The following MYO18B variants were observed in gnomAD, a reference collection of about 807,000 sequenced individuals.
The protein encoded by MYO18B is myosin XVIIIB.
Under a neutral mutation model 273.0 loss-of-function variants are expected in MYO18B, and 204 were observed. The ratio of observed to expected loss-of-function variants is 0.75; its 90% CI spans 0.67 to 0.84. MYO18B has a LOEUF of 0.84. Ranked by LOEUF, MYO18B falls within the 40% of genes least tolerant of loss-of-function variation. The pLI is 0.00. For synonymous variants in MYO18B, 1,330 were observed against 1,305.7 expected (o/e 1.02, Z -0.40); for missense variants, 3,212 against 3,287.6 (o/e 0.98, Z 0.56).
chr22:25,789,539 G>A (rs1196313332), intron 11 of MYO18B, among the ~76,000 whole-genome samples: 1 of 151,972 alleles, frequency 6.6e-6, no homozygotes, highest in Admixed American at 6.6e-5. Context: ...GGGAGGCTGA[G>A]GCAGGAGAAT....
At chr22:25,853,464 TGG>T (rs937889953) in intron 21 of MYO18B, among the ~76,000 whole-genome samples, 3 of 152,198 alleles carry the variant, frequency 2.0e-5, no homozygotes, top group Admixed American at 6.5e-5. Context: ...GTCCCTTCTC[TGG>T]GTAGTGGCCC....
chr22:25,986,626 A>G (rs1162680647), intron 39 of MYO18B, among the ~76,000 whole-genome samples: 1 of 152,218 alleles, frequency 6.6e-6, no homozygotes, highest in Non-Finnish European at 1.5e-5. Context: ...TTTGTTAAAC[A>G]TTTAAGGATA....
intron 1 of MYO18B, among the ~76,000 whole-genome samples, chr22:25,743,487 G>GAAA (rs1337500114): frequency 6.6e-6 from 1 of 152,034 alleles, no homozygotes; most frequent in East Asian, 1.9e-4. Flanking sequence ...AGAGGAGGAG[G>GAAA]AGAAGGAGAA....
At chr22:25,921,123 A>G in intron 33 of MYO18B, 134 bp from the exon 34 acceptor site, 1 of 839,190 alleles carries the variant, frequency 1.2e-6, no homozygotes, top group Non-Finnish European at 1.8e-6. Context: ...CTCGGAGAGG[A>G]GAATGGTCTT....
chr22:25,994,485 A>T (rs1933019265), intron 40 of MYO18B, among the ~76,000 whole-genome samples: 1 of 152,000 alleles, frequency 6.6e-6, no homozygotes, highest in African/African-American at 2.4e-5. Context: ...AAAATAAATT[A>T]AAAAATAAAA....
intron 12 of MYO18B, among the ~76,000 whole-genome samples, chr22:25,814,154 C>T (rs531621406): frequency 1.8e-4 from 27 of 152,198 alleles, no homozygotes; most frequent in Admixed American, 5.2e-4. Flanking sequence ...CCTGCGGGAC[C>T]CTGATTTCAG....
At chr22:25,961,360 G>A (rs974096744) in intron 39 of MYO18B, among the ~76,000 whole-genome samples, 3 of 152,094 alleles carry the variant, frequency 2.0e-5, no homozygotes, top group Non-Finnish European at 4.4e-5. Flanking sequence ...TTCCACCTCT[G>A]GTTGTCTGCC....
At chr22:25,870,526 T>C (rs2091017524) in intron 22 of MYO18B, among the ~76,000 whole-genome samples, 1 of 152,208 alleles carries the variant, frequency 6.6e-6, no homozygotes, top group Non-Finnish European at 1.5e-5. Context: ...GGCTCGCTGT[T>C]GTGTATGCGT....
At chr22:25,841,118 G>A (rs913536991) in intron 17 of MYO18B, among the ~76,000 whole-genome samples, 1 of 152,184 alleles carries the variant, frequency 6.6e-6, no homozygotes, top group East Asian at 1.9e-4. Flanking sequence ...ACAAGGGCCA[G>A]CAGGGACTGG....
At chr22:25,890,704 T>G in intron 25 of MYO18B, 52 bp from the exon 26 acceptor site, 1 of 1,601,946 alleles carries the variant, frequency 6.2e-7, no homozygotes, top group Non-Finnish European at 8.5e-7. Context: ...GAGAGAAGGG[T>G]TGGTGGCTCC....
At chr22:26,019,199 G>T (rs961330571) in intron 42 of MYO18B, among the ~76,000 whole-genome samples, 2 of 152,310 alleles carry the variant, frequency 1.3e-5, no homozygotes, top group Non-Finnish European at 1.5e-5. Context: ...CAGCATGGGA[G>T]TCTCAGCTCT....
At chr22:26,035,821 G>A (rs1356679440), downstream of MYO18B, among the ~76,000 whole-genome samples, 2 of 152,240 alleles carry the variant, frequency 1.3e-5, no homozygotes, top group Non-Finnish European at 2.9e-5. Flanking sequence ...GGCAGCAGGT[G>A]TGTCTCATTG....
At chr22:25,936,731 C>G (rs1393342197) in intron 34 of MYO18B, among the ~76,000 whole-genome samples, 2 of 152,160 alleles carry the variant, frequency 1.3e-5, no homozygotes, top group East Asian at 3.9e-4. Flanking sequence ...TACCAGCATG[C>G]CTGGGTTCTG....
At chr22:25,994,191 G>A (rs1271749694) in intron 40 of MYO18B, among the ~76,000 whole-genome samples, 2 of 152,218 alleles carry the variant, frequency 1.3e-5, no homozygotes, top group East Asian at 1.9e-4. Context: ...TCTTGGCCAG[G>A]CATGGTGGCC....
chr22:25,776,728 A>G (rs2086929536), intron 7 of MYO18B, among the ~76,000 whole-genome samples: 1 of 152,260 alleles, frequency 6.6e-6, no homozygotes, highest in African/African-American at 2.4e-5. Context: ...AACCAATGAC[A>G]TAGAGGGGTT....
chr22:25,759,047 C>T (rs1356176949), intron 1 of MYO18B, among the ~76,000 whole-genome samples: 1 of 151,944 alleles, frequency 6.6e-6, no homozygotes, highest in African/African-American at 2.4e-5. Context: ...AGCCACCGCG[C>T]CTGGCTGGGG....
Position 25,969,712 on chromosome 22 carries a change from A to G in MYO18B, c.6156+14348A>G, listed in dbSNP as rs148863004. ...AGCTTGACAGGACAAAGAACTGGGA[A>G]TAAGGAGACTTAGATGCAAATCTCA... On this transcript the variant is annotated intron_variant, in intron 39 of 43. Coordinates refer to ENST00000335473, the MANE Select transcript of MYO18B (RefSeq NM_032608.7). Among the ~76,000 whole-genome samples the G allele has an allele frequency of 6.6e-5, 10 of 152,350 alleles. No individual in the cohort carries two copies. In the East Asian group the frequency reaches 1.9e-3, roughly 29 times the overall value.
intron 24 of MYO18B, chr22:25,876,839 A>G (rs2091214256): frequency 6.6e-6 from 1 of 152,120 alleles, no homozygotes; most frequent in Non-Finnish European, 1.5e-5. Context: ...TACTACATAT[A>G]CTCTTCTTCG....
At chr22:25,978,911 C>A (rs1233089092) in intron 39 of MYO18B, among the ~76,000 whole-genome samples, 3 of 152,164 alleles carry the variant, frequency 2.0e-5, no homozygotes, top group African/African-American at 7.2e-5. Flanking sequence ...TGCTTCACTG[C>A]ACTCCAGCCT....
Sources: allele counts gnomAD v4.1 joint callset (sites outside exome capture counted in the v4.1 genomes callset), GRCh38; gene constraint gnomAD v4.1.1; transcripts MANE v1.5; gene names NCBI Gene and HGNC (gene_info 2026-07-23, HGNC 2026-07-21).